ADGRE3: variants seen among roughly 807,000 people sequenced by gnomAD.
ADGRE3 encodes EGF-like module receptor 3.
ADGRE3 carries 88 observed loss-of-function variants against 80.1 expected under a neutral mutation model. That is an observed-to-expected ratio of 1.10 (90% confidence interval 0.93 to 1.31). The LOEUF (loss-of-function observed/expected upper bound fraction) is 1.31, where lower values mean the gene tolerates loss of function less well. ADGRE3 is among the 40% of genes most tolerant of loss of function. The pLI is 0.00. For synonymous variants in ADGRE3, 281 were observed against 294.8 expected, an observed-to-expected ratio of 0.95 and a Z score of 0.48; for missense variants, 715 against 776.5, an observed-to-expected ratio of 0.92 and a Z score of 0.94.
intron 7 of ADGRE3, among the ~76,000 whole-genome samples, chr19:14,648,173 C>T (rs1052261363): frequency 4.6e-5 from 7 of 151,592 alleles, no homozygotes; most frequent in African/African-American, 7.3e-5. Flanking sequence ...AACACTGAGA[C>T]AATGAATAAT....
At chr19:14,671,858 C>T (rs1009723408) in intron 1 of ADGRE3, among the ~76,000 whole-genome samples, 1 of 151,788 alleles carries the variant, frequency 6.6e-6, no homozygotes, top group African/African-American at 2.4e-5. Flanking sequence ...GCAATCATAC[C>T]TCACTGTAGC....
chr19:14,642,846 T>C (rs1388487940), intron 9 of ADGRE3, among the ~76,000 whole-genome samples: 1 of 152,206 alleles, frequency 6.6e-6, no homozygotes, highest in African/African-American at 2.4e-5. Context: ...GGCATTTAGG[T>C]TGATTCTATG....
chr19:14,653,600 TCTCA>T (rs1971665579), intron 6 of ADGRE3, among the ~76,000 whole-genome samples: 1 of 152,044 alleles, frequency 6.6e-6, no homozygotes, highest in African/African-American at 2.4e-5. Context: ...TGAGACAGGC[TCTCA>T]CTCTGTTGTC....
intron 15 of ADGRE3, among the ~76,000 whole-genome samples, chr19:14,620,573 T>A (rs1334817953): frequency 0.076 from 1,146 of 15,000 alleles, 197 homozygotes; most frequent in Non-Finnish European, 0.12. Context: ...TATATATTTT[T>A]TTTTTTTTTT....
Position 14,644,230 on chromosome 19 carries a change from T to G in ADGRE3, c.928A>C (p.Thr310Pro). 1 of 1,600,646 alleles carries G rather than the reference T, an allele frequency of 6.2e-7. No individual in the cohort carries two copies. The highest frequency in any genetic ancestry group is 8.5e-7 in the Non-Finnish European group (1 of 1,174,422). ...KKVFCVYWKS[T>P]GQGSQWSRDG... is the part of the protein sequence containing the mutation. ...CTGGACCACTGGCTGCCCTGCCCTG[T>G]GCTCTTCCAGTAGACACAGAAGACC... The change falls in exon 9 of 16, where the codon ACA becomes CCA. Residue 310 changes from threonine (T) to proline (P), a missense_variant. Transcript: ENST00000253673.
Position 14,625,476 on chromosome 19 carries a change from C to A in ADGRE3, c.1920+16G>T. The A allele has an allele frequency of 1.4e-6, 2 of 1,463,752 alleles. No homozygotes were observed. Among genetic ancestry groups the A allele is most frequent in the Non-Finnish European group, 1.9e-6 (2 of 1,046,596 alleles). 90.7% of individuals were successfully genotyped at this position (1,463,752 alleles called of 1,614,324 possible). The stretch of plus-strand genomic sequence containing the variant: ...GAGTATGTAAAACATTAGAACAATT[C>A]AGATGTTTCACTTACCTCACTGGGT... On this transcript the variant is annotated intron_variant, in intron 15 of 15. Coordinates refer to ENST00000253673, the MANE Select transcript of ADGRE3 (RefSeq NM_032571.5).
chr19:14,668,154 G>A (rs1972153860), intron 2 of ADGRE3, among the ~76,000 whole-genome samples: 1 of 152,102 alleles, frequency 6.6e-6, no homozygotes, highest in Non-Finnish European at 1.5e-5. Flanking sequence ...GGGAGGCTGA[G>A]GCATGAGATT....
chr19:14,607,024 G>A, the ADGRE3 span: 45 of 1,320,560 alleles, frequency 3.4e-5, no homozygotes, highest in Non-Finnish European at 4.3e-5. Flanking sequence ...GGCTCTCCAC[G>A]GGTGTACTGG....
At chr19:14,660,780 AC>A (rs1269562832) in intron 4 of ADGRE3, among the ~76,000 whole-genome samples, 1 of 151,888 alleles carries the variant, frequency 6.6e-6, no homozygotes, top group Admixed American at 6.6e-5. Flanking sequence ...CTCCCTGGAC[AC>A]GGATCCACGG....
At position 14,619,501 on chromosome 19, in the gene ADGRE3, T is replaced by C. The variant is rs775670553; in HGVS notation, c.1921-30A>G. ...AAAAGAGGTTTAGATTAAAGGTGGA[T>C]GTAAGGGTAAAATAAAGTAAACAGA... On this transcript the variant is annotated intron_variant, in intron 15 of 15. Transcript: ENST00000253673. The C allele has an allele frequency of 3.2e-6, 5 of 1,545,560 alleles. No individual in the cohort carries two copies. The South Asian group carries it at 4.5e-5, about 14-fold the overall frequency.
chr19:14,649,758 A>C, intron 7 of ADGRE3, among the ~76,000 whole-genome samples: 5 of 940 alleles, frequency 5.3e-3, no homozygotes, highest in Admixed American at 9.3e-3. Context: ...ATCTCTCTCC[A>C]TCTCTTTCTC....
intron 11 of ADGRE3, among the ~76,000 whole-genome samples, chr19:14,636,081 C>CTTTCTTTCTTTTTCTTT (rs1555755785): frequency 1.6e-4 from 4 of 24,676 alleles, no homozygotes; most frequent in Admixed American, 5.3e-4. Context: ...CTTTCCTTTC[C>CTTTCTTTCTTTTTCTTT]CTTTCTTTCT....
the ADGRE3 span, among the ~76,000 whole-genome samples, chr19:14,607,354 T>C: frequency 5.5e-5 from 8 of 144,366 alleles, no homozygotes; most frequent in South Asian, 4.4e-4. Context: ...CAGGTGCCCA[T>C]CACCATGCCC....
chr19:14,625,613 G>A lies in ADGRE3; in HGVS notation c.1813-14C>T, dbSNP rs780096170. On this transcript the variant is annotated splice_polypyrimidine_tract_variant and intron_variant, in intron 14 of 15. Transcript: ENST00000253673. ...TTGTTTCTGGACCTGGAACATCAAA[G>A]GAAATACCTGGATGGGTTTTGCTAA... is the stretch of plus-strand genomic sequence containing the variant. 2.6e-6 allele frequency: 4 copies of A among 1,538,056 alleles called. No individual in the cohort carries two copies. The South Asian group carries it at 4.5e-5, about 17-fold the overall frequency.
At chr19:14,650,247 C>T (rs1051959130) in intron 7 of ADGRE3, among the ~76,000 whole-genome samples, 1 of 149,698 alleles carries the variant, frequency 6.7e-6, no homozygotes, top group African/African-American at 2.5e-5. Context: ...CATCTCTCTT[C>T]CCTTCTCTCT....
downstream of ADGRE3, among the ~76,000 whole-genome samples, chr19:14,617,341 C>CCTTCCTTTCTTT (rs1555752262): frequency 4.5e-3 from 256 of 57,234 alleles, 5 homozygotes; most frequent in African/African-American, 0.014. Context: ...TCCCTCCCTC[C>CCTTCCTTTCTTT]CTTTCTTTCT....
intron 13 of ADGRE3, among the ~76,000 whole-genome samples, chr19:14,631,627 G>T (rs992943261): frequency 2.6e-5 from 4 of 151,204 alleles, no homozygotes; most frequent in Admixed American, 1.3e-4. Context: ...TATTATATGT[G>T]TATGTATATG....
At position 14,648,205 on chromosome 19, in the gene ADGRE3, G is replaced by A. The variant is rs145693613; in HGVS notation, c.698-840C>T. On this transcript the variant is annotated intron_variant, in intron 7 of 15. Transcript: ENST00000253673. Reference sequence around the variant, plus strand: ...TAATAATCTATTTCTTCCTACAAAGGCTGTAGGTACGGTGGGCACCCTGGC... The same window carrying A: ...TAATAATCTATTTCTTCCTACAAAGACTGTAGGTACGGTGGGCACCCTGGC... Among the ~76,000 whole-genome samples the A allele has an allele frequency of 2.3e-3, 349 of 152,086 alleles. 5 individuals are homozygous for A. The highest frequency in any genetic ancestry group is 0.019 in the Admixed American group (294 of 15,254).
chr19:14,674,598 T>C, intron 1 of ADGRE3, 148 bp downstream of exon 1: 2 of 662,366 alleles, frequency 3.0e-6, no homozygotes, highest in Non-Finnish European at 2.5e-6. Context: ...TTGAATAGGG[T>C]AGTCAGGAAG....
Sources: allele counts gnomAD v4.1 joint callset (sites outside exome capture counted in the v4.1 genomes callset), GRCh38; gene constraint gnomAD v4.1.1; transcripts MANE v1.5; gene names NCBI Gene and HGNC (gene_info 2026-07-23, HGNC 2026-07-21).